Variants in ICA1L observed in about 807,000 individuals in gnomAD.
ICA1L encodes islet cell autoantigen 1-like protein.
ICA1L carries 50 observed loss-of-function variants against 61.3 expected under a neutral mutation model. That is an observed-to-expected ratio of 0.82 (90% CI 0.65 to 1.03). The LOEUF is 1.03. Ranked by LOEUF, ICA1L falls within the 50% of genes least tolerant of loss-of-function variation. The pLI, the probability that ICA1L is intolerant of heterozygous loss-of-function variation, is 0.00. For synonymous variants in ICA1L, 161 were observed against 191.3 expected (o/e 0.84, Z 1.31); for missense variants, 508 against 556.7 (o/e 0.91, Z 0.88).
intron 1 of ICA1L, among the ~76,000 whole-genome samples, chr2:202,848,776 A>C (rs763093389): frequency 6.6e-6 from 1 of 152,170 alleles, no homozygotes; most frequent in African/African-American, 2.4e-5. Context: ...CCGCATAATG[A>C]CATTTTAGCC....
chr2:202,859,062 A>G (rs1487145675), intron 1 of ICA1L, among the ~76,000 whole-genome samples: 1 of 152,194 alleles, frequency 6.6e-6, no homozygotes, highest in Non-Finnish European at 1.5e-5. Context: ...TGGCAAATCA[A>G]TAAGTATATT....
At position 202,805,599 on chromosome 2, in the gene ICA1L, A is replaced by G. The variant is rs555319881; in HGVS notation, c.910+6147T>C. Among the ~76,000 whole-genome samples, 3 of 151,998 alleles carry G rather than the reference A, an allele frequency of 2.0e-5. No individual in the cohort carries two copies. The South Asian group carries it at 6.2e-4, about 32-fold the overall frequency. ...AACAAACCAGAAAGAAAAACATCAA[A>G]GTAAAGAGAAGAAAATAATAAATAT... is the stretch of plus-strand genomic sequence containing the variant. On this transcript the variant is annotated intron_variant, in intron 9 of 12. Coordinates refer to ENST00000358299, the MANE Select transcript of ICA1L (RefSeq NM_001288622.3).
chr2:202,792,868 C>T (rs993835871), intron 10 of ICA1L, among the ~76,000 whole-genome samples: 1 of 152,030 alleles, frequency 6.6e-6, no homozygotes, highest in Non-Finnish European at 1.5e-5. Context: ...ACTCCAAAAA[C>T]CATTAAGTGG....
chr2:202,786,734 G>C, intron 11 of ICA1L: 1 of 448,072 alleles, frequency 2.2e-6, no homozygotes, highest in South Asian at 1.6e-5. Context: ...TTTAGCTGAA[G>C]GAAGAAGTAC....
intron 1 of ICA1L, among the ~76,000 whole-genome samples, chr2:202,851,798 A>G (rs1048193096): frequency 7.2e-5 from 11 of 152,336 alleles, no homozygotes; most frequent in African/African-American, 2.4e-4. Flanking sequence ...TTTTGGCTGC[A>G]TAAATGTCTT....
intron 1 of ICA1L, among the ~76,000 whole-genome samples, chr2:202,858,469 CAG>C (rs1694822731): frequency 6.6e-6 from 1 of 152,086 alleles, no homozygotes; most frequent in Non-Finnish European, 1.5e-5. Flanking sequence ...TGGGGCCTGT[CAG>C]GGGTTGGGGG....
At chr2:202,850,115 C>T (rs948761770) in intron 1 of ICA1L, among the ~76,000 whole-genome samples, 1 of 151,976 alleles carries the variant, frequency 6.6e-6, no homozygotes, top group Non-Finnish European at 1.5e-5. Context: ...AAAAAGGACC[C>T]CCATACAAAA....
At chr2:202,827,308 G>A (rs1693874098) in intron 2 of ICA1L, among the ~76,000 whole-genome samples, 4 of 151,862 alleles carry the variant, frequency 2.6e-5, no homozygotes, top group South Asian at 2.1e-4. Flanking sequence ...CAGGAGAATC[G>A]CTTGAACCCG....
intron 9 of ICA1L, among the ~76,000 whole-genome samples, chr2:202,805,180 ACAG>A (rs1693192455): frequency 6.6e-6 from 1 of 152,192 alleles, no homozygotes; most frequent in African/African-American, 2.4e-5. Flanking sequence ...GACAAAAAGT[ACAG>A]TAGTGGTTAG....
intron 1 of ICA1L, among the ~76,000 whole-genome samples, chr2:202,859,337 G>C (rs575070081): frequency 1.3e-5 from 2 of 152,276 alleles, no homozygotes; most frequent in African/African-American, 4.8e-5. Context: ...CTGAGATACT[G>C]ATCTAGTCCA....
At position 202,821,395 on chromosome 2, in the gene ICA1L, C is replaced by T. The variant is rs372544916; in HGVS notation, c.322G>A (p.Ala108Thr). The change falls in exon 4 of 13, where the codon GCC (alanine) becomes ACC (threonine). Residue 108 changes from alanine to threonine, a missense_variant. Transcript: ENST00000358299. Reference sequence around the variant, plus strand: ...GAAGAACAAAGTGCCTTGCCAGTGGCATCCATCATTTTGCCAGCTTGAGTT... The same window carrying T: ...GAAGAACAAAGTGCCTTGCCAGTGGTATCCATCATTTTGCCAGCTTGAGTT... ...DATQAGKMMDATGKALCSSAK... is the reference protein window; with the variant it reads ...DATQAGKMMDTTGKALCSSAK... 1.8e-5 allele frequency: 29 copies of T among 1,613,532 alleles called. No homozygotes were observed. The highest frequency in any genetic ancestry group is 2.4e-5 in the Non-Finnish European group (28 of 1,179,856).
chr2:202,806,082 A>G (rs973015110), intron 9 of ICA1L, among the ~76,000 whole-genome samples: 14 of 152,298 alleles, frequency 9.2e-5, no homozygotes, highest in African/African-American at 3.4e-4. Context: ...TAATCCCAGC[A>G]CTTCGGGAGG....
intron 1 of ICA1L, among the ~76,000 whole-genome samples, chr2:202,851,187 G>T (rs1240152030): frequency 6.9e-6 from 1 of 144,464 alleles, no homozygotes; most frequent in Non-Finnish European, 1.5e-5. Flanking sequence ...ACAGGCCCCA[G>T]TGTGTAATGT....
rs1693570760 is a variant in ICA1L, at chr2:202,817,507, CAAA to C, written c.592_594del (p.Phe198del). ...TGACAAACATCCATCTTTAACTTGT[CAAA>C]AGAAGCTTTGCTATTTCTCACTTGC... On this transcript the variant is annotated inframe_deletion, in exon 6 of 13. Coordinates refer to ENST00000358299, the MANE Select transcript of ICA1L (RefSeq NM_001288622.3). 1.5e-5 allele frequency: 24 copies of C among 1,610,194 alleles called. No individual in the cohort carries two copies. Among genetic ancestry groups the C allele is most frequent in the Non-Finnish European group, 2.0e-5 (24 of 1,177,832 alleles).
At chr2:202,825,878 C>T in intron 2 of ICA1L, 111 bp from the exon 3 acceptor site, 3 of 584,962 alleles carry the variant, frequency 5.1e-6, no homozygotes, top group Non-Finnish European at 8.0e-6. Context: ...GTTTTAAAAA[C>T]ATTATGTCTA....
chr2:202,779,752 A>AAAATT (rs1692336036), intron 12 of ICA1L, 104 bp from the exon 13 acceptor site: 4 of 645,012 alleles, frequency 6.2e-6, no homozygotes, highest in East Asian at 5.6e-5. Context: ...GGATTAAGAA[A>AAAATT]AAATTAAGAT....
chr2:202,780,589 C>T (rs1253227209), intron 12 of ICA1L, among the ~76,000 whole-genome samples: 1 of 152,118 alleles, frequency 6.6e-6, no homozygotes, highest in Non-Finnish European at 1.5e-5. Context: ...AGAGGACAGT[C>T]TAAGAACTGG....
rs1692564727 is a variant in ICA1L at position 202,785,928 on chromosome 2, T to C, written c.1323A>G (p.Lys441=). The C allele has an allele frequency of 6.4e-7, 1 of 1,571,712 alleles. No homozygotes were observed. Among genetic ancestry groups the C allele is most frequent in the African/African-American group, 1.4e-5 (1 of 73,896 alleles). The change falls in exon 12 of 13, where the codon AAA becomes AAG. Residue 441 remains lysine (K), a synonymous_variant. Coordinates refer to ENST00000358299, the MANE Select transcript of ICA1L (RefSeq NM_001288622.3). ...NQPVPSQSPK[K]LTRSPNNGNQ... Reference sequence around the variant, plus strand: ...AAATAAATAACTTACATCTTGTTAATTTCTTTGGACTCTGTGAAGGCACTG... The same window carrying C: ...AAATAAATAACTTACATCTTGTTAACTTCTTTGGACTCTGTGAAGGCACTG...
chr2:202,845,222 G>A (rs1185830611), intron 1 of ICA1L, among the ~76,000 whole-genome samples: 1 of 152,138 alleles, frequency 6.6e-6, no homozygotes, highest in East Asian at 1.9e-4. Context: ...CATATTCATA[G>A]GTTTCAGGAA....
Sources: gnomAD v4.1 joint callset for allele counts (sites outside exome capture counted in the v4.1 genomes callset) on GRCh38, gnomAD v4.1.1 for gene constraint, MANE v1.5 for transcripts, NCBI Gene and HGNC (gene_info 2026-07-23, HGNC 2026-07-21) for gene names.